Variants in CARD8 observed in about 807,000 individuals in gnomAD.
The protein encoded by CARD8 is caspase recruitment domain family member 8.
In CARD8, 38 loss-of-function variants were observed where a neutral mutation model predicts 53.2. That is an observed-to-expected ratio of 0.71 (90% CI 0.55 to 0.94). The LOEUF (loss-of-function observed/expected upper bound fraction) is 0.94. Ranked by LOEUF, CARD8 falls within the 40% of genes least tolerant of loss-of-function variation. CARD8 has a pLI of 0.00. For missense variants in CARD8, 561 were observed against 655.5 expected, an observed-to-expected ratio of 0.86 and a Z score of 1.57; for synonymous variants, 245 against 244.9, an observed-to-expected ratio of 1.00 and a Z score of 0.00.
intron 1 of CARD8, among the ~76,000 whole-genome samples, chr19:48,254,510 T>C (rs12150983): frequency 0.031 from 4,657 of 152,250 alleles, 110 homozygotes; most frequent in Middle Eastern, 0.078. Context: ...CCCAGCACTT[T>C]GGGAGGCCGA....
At chr19:48,247,868 T>C (rs1003868002) in intron 3 of CARD8, among the ~76,000 whole-genome samples, 12 of 151,824 alleles carry the variant, frequency 7.9e-5, no homozygotes, top group African/African-American at 2.9e-4. Flanking sequence ...AAAATACACA[T>C]GATTTTTACC....
chr19:48,228,826 A>C (rs1037267099), intron 10 of CARD8, among the ~76,000 whole-genome samples: 1 of 152,100 alleles, frequency 6.6e-6, no homozygotes, highest in African/African-American at 2.4e-5. Context: ...GACTCATGTT[A>C]AGTAGTGTCC....
chr19:48,255,534 G>C (rs1233020343), intron 1 of CARD8: 4 of 152,130 alleles, frequency 2.6e-5, no homozygotes, highest in Non-Finnish European at 4.4e-5. Context: ...TTGAGTGTGA[G>C]AGAGATTATT....
intron 3 of CARD8, among the ~76,000 whole-genome samples, chr19:48,243,613 T>C (rs1049428981): frequency 6.6e-6 from 1 of 152,230 alleles, no homozygotes; most frequent in African/African-American, 2.4e-5. Context: ...TAAGTATCGT[T>C]ATTCCAGAGT....
At chr19:48,254,309 C>G (rs2047310310) in intron 1 of CARD8, among the ~76,000 whole-genome samples, 1 of 152,130 alleles carries the variant, frequency 6.6e-6, no homozygotes, top group African/African-American at 2.4e-5. Flanking sequence ...TATGTTCAAT[C>G]TTAGGATATA....
In CARD8 at chr19:48,249,628, CCTT is replaced by C. The variant is rs2046682575; in HGVS notation, c.-152_-150del. The C allele has an allele frequency of 6.6e-6, 1 of 152,328 alleles. No individual in the cohort carries two copies. Among genetic ancestry groups the C allele is most frequent in the South Asian group, 2.1e-4 (1 of 4,832 alleles). 9.4% of individuals were successfully genotyped at this position (152,328 alleles called of 1,614,324 possible). On this transcript the variant is annotated splice_region_variant and 5_prime_UTR_variant, in exon 3 of 14. Transcript: ENST00000651546. Reference sequence around the variant, plus strand: ...TTTCCCTCGAATCTCAGACAGCCCTCCTTCTCTATGAACATTATTTCAAAAGAA... The same window carrying C: ...TTTCCCTCGAATCTCAGACAGCCCTCCTCTATGAACATTATTTCAAAAGAA...
intron 3 of CARD8, among the ~76,000 whole-genome samples, chr19:48,241,781 C>T (rs1338668966): frequency 6.6e-6 from 1 of 152,202 alleles, no homozygotes; most frequent in East Asian, 1.9e-4. Context: ...CCATTACCTT[C>T]ACCGGCTCTG....
At chr19:48,237,976 C>T (rs907912407) in intron 5 of CARD8, among the ~76,000 whole-genome samples, 10 of 151,834 alleles carry the variant, frequency 6.6e-5, no homozygotes, top group South Asian at 2.1e-4. Context: ...CTGCAACCTC[C>T]GCCTCCCAGG....
At chr19:48,225,280 C>A (rs934093941) in intron 10 of CARD8, among the ~76,000 whole-genome samples, 4 of 151,800 alleles carry the variant, frequency 2.6e-5, no homozygotes, top group Non-Finnish European at 5.9e-5. Context: ...CATTTGAGGT[C>A]AGGAGTTTGA....
At chr19:48,253,809 T>C (rs955484986) in intron 1 of CARD8, among the ~76,000 whole-genome samples, 4 of 152,202 alleles carry the variant, frequency 2.6e-5, no homozygotes, top group Admixed American at 6.5e-5. Flanking sequence ...TAAACAGATA[T>C]AGAATAATCC....
At chr19:48,225,371 G>A (rs147578114) in intron 10 of CARD8, among the ~76,000 whole-genome samples, 19 of 152,046 alleles carry the variant, frequency 1.2e-4, no homozygotes, top group East Asian at 3.9e-4. Flanking sequence ...CATGCCTGTA[G>A]TCTCAGCTAC....
intron 8 of CARD8, 84 bp from the exon 9 acceptor site, chr19:48,231,090 G>C (rs1262867092): frequency 1.8e-6 from 2 of 1,138,460 alleles, no homozygotes; most frequent in African/African-American, 3.1e-5. Context: ...GGTGGGATTT[G>C]AAGTGAGGCA....
Position 48,209,479 on chromosome 19 carries a change from C to T in CARD8, c.*2231G>A, listed in dbSNP as rs1286371819. On this transcript the variant is annotated 3_prime_UTR_variant, in exon 14 of 14. Coordinates refer to ENST00000651546, the MANE Select transcript of CARD8 (RefSeq NM_001184900.3). Reference sequence around the variant, plus strand: ...ACACAGATAACAACAGGTGAACACTCCAGCAAATTTGAAAATAGACAAATT... The same window carrying T: ...ACACAGATAACAACAGGTGAACACTTCAGCAAATTTGAAAATAGACAAATT... 1 of 151,958 alleles carries T rather than the reference C, an allele frequency of 6.6e-6. No individual in the cohort carries two copies. The highest frequency in any genetic ancestry group is 2.4e-5 in the African/African-American group (1 of 41,366). The allele number at this position is 151,958 out of a possible 1,614,324, so 9.4% of individuals were successfully genotyped here. A position where few individuals can be genotyped will look rare whatever the true frequency, so the allele number is the denominator to read the frequency against.
Position 48,211,830 on chromosome 19 carries a change from CTTGCTCTGCCG to C in CARD8, c.1483_1493del (p.Arg495GlufsTer2). The C allele has an allele frequency of 6.2e-7, 1 of 1,614,180 alleles. No individual in the cohort carries two copies. Among genetic ancestry groups the C allele is most frequent in the Middle Eastern group, 1.6e-4 (1 of 6,062 alleles). On this transcript the variant is annotated frameshift_variant, in exon 14 of 14. Transcript: ENST00000651546. LOFTEE classifies it low-confidence loss of function (END_TRUNC). ...CCACCATGCTCAGCAAGGCCTCATT[CTTGCTCTGCCG>C]TGTCTTTTCCTGCTCCACCAGCTCC...
chr19:48,207,734 G>GTTTTTTTTTTTTTGTTTTTTTTTTT (rs1555790116), downstream of CARD8, among the ~76,000 whole-genome samples: 6 of 116,550 alleles, frequency 5.1e-5, no homozygotes, highest in Non-Finnish European at 5.2e-5. Context: ...TTGTTTTTCT[G>GTTTTTTTTTTTTTGTTTTTTTTTTT]TTTTTTTTTT....
At chr19:48,230,366 C>T in intron 10 of CARD8, 72 bp downstream of exon 10, 1 of 1,493,474 alleles carries the variant, frequency 6.7e-7, no homozygotes, top group Non-Finnish European at 9.0e-7. Context: ...CCACGAGGAA[C>T]TGGAGGGGCC....
In CARD8 at chr19:48,241,194, C is replaced by T. The variant is rs997340959; in HGVS notation, c.-43-131G>A. ...CACAAGAGATGCATCAGTGGAATTG[C>T]TCCTAGTAGTGGTAGGTACTTGGGA... On this transcript the variant is annotated intron_variant, in intron 3 of 13. Transcript: ENST00000651546. 2.8e-5 allele frequency: 17 copies of T among 603,132 alleles called. No individual in the cohort carries two copies. The South Asian group carries it at 3.2e-4, about 11-fold the overall frequency. 37.4% of individuals were successfully genotyped at this position (603,132 alleles called of 1,614,324 possible).
At chr19:48,240,463 G>A (rs1230048824) in intron 4 of CARD8, among the ~76,000 whole-genome samples, 1 of 151,934 alleles carries the variant, frequency 6.6e-6, no homozygotes, top group Non-Finnish European at 1.5e-5. Context: ...GGGAAGGAGA[G>A]AGAAGGTCTA....
At chr19:48,204,382 T>C, downstream of CARD8, 9 of 338,112 alleles carry the variant, frequency 2.7e-5, no homozygotes, top group South Asian at 1.9e-4. Flanking sequence ...GGAAATGGGA[T>C]GTTTTCAAGG....
Sources: allele counts gnomAD v4.1 joint callset (sites outside exome capture counted in the v4.1 genomes callset), GRCh38; gene constraint gnomAD v4.1.1; transcripts MANE v1.5; gene names NCBI Gene and HGNC (gene_info 2026-07-23, HGNC 2026-07-21).